The following DCPS variants were observed in gnomAD, a reference collection of about 807,000 sequenced individuals.
DCPS encodes the protein decapping enzyme, scavenger, also known as m7GpppX diphosphatase.
DCPS carries 27 observed loss-of-function variants against 34.7 expected under a neutral mutation model. That is an observed-to-expected ratio of 0.78 (90% CI 0.57 to 1.07). The LOEUF (loss-of-function observed/expected upper bound fraction) is 1.07, where lower values mean the gene tolerates loss of function less well. Ranked by LOEUF, DCPS falls within the 50% of genes least tolerant of loss-of-function variation. The probability of loss-of-function intolerance (pLI) is 0.00; values close to 1 mark genes in which losing one functional copy is unlikely to be tolerated. For synonymous variants in DCPS, 185 were observed against 185.7 expected, an observed-to-expected ratio of 1.00 and a Z score of 0.03; for missense variants, 464 against 436.9, an observed-to-expected ratio of 1.06 and a Z score of -0.55.
In DCPS at chr11:126,327,171, C is replaced by T. The variant is rs1951747785; in HGVS notation, c.377-4234C>T. On this transcript the variant is annotated intron_variant, in intron 2 of 5. Transcript: ENST00000263579. The surrounding 1 kb of genome is among the most constrained non-coding windows in gnomAD (Gnocchi z 4.1). ...TCCCAACCCCGGATCTAATCCAATC[C>T]CTTTAGTCCCGTCTCTTTAGTCTCC... 6.6e-6 allele frequency among the ~76,000 whole-genome samples: 1 copy of T among 152,188 alleles called. No individual in the cohort carries two copies. Among genetic ancestry groups the T allele is most frequent in the African/African-American group, 2.4e-5 (1 of 41,442 alleles).
In DCPS at chr11:126,334,026, G is replaced by A. The variant is rs1951812157; in HGVS notation, c.522+2476G>A. Among the ~76,000 whole-genome samples, 1 of 152,174 alleles carries A rather than the reference G, an allele frequency of 6.6e-6. No individual in the cohort carries two copies. The highest frequency in any genetic ancestry group is 1.5e-5 in the Non-Finnish European group (1 of 68,040). On this transcript the variant is annotated intron_variant, in intron 3 of 5. Transcript: ENST00000263579. The surrounding 1 kb of genome is among the most constrained non-coding windows in gnomAD (Gnocchi z 5.5). ...GTGGAGTGGGGGTGAGCATAGAACA[G>A]GAAGACTGGGAAAAACCAGTATGGG...
In DCPS at chr11:126,345,336, T is replaced by G; in HGVS notation, c.748-11T>G. 2 of 1,613,402 alleles carry G rather than the reference T, an allele frequency of 1.2e-6. No individual in the cohort carries two copies. The highest frequency in any genetic ancestry group is 1.1e-5 in the South Asian group (1 of 91,078). Reference sequence around the variant, plus strand: ...CGGTGACTCCTGACCTGCCTGCCCCTGTCTCATCAGGAGGCCATCCTGCAG... The same window carrying G: ...CGGTGACTCCTGACCTGCCTGCCCCGGTCTCATCAGGAGGCCATCCTGCAG... On this transcript the variant is annotated splice_polypyrimidine_tract_variant and intron_variant, in intron 5 of 5. Transcript: ENST00000263579. This position sits in a 1 kb window ranked among gnomAD's most constrained non-coding sequence, Gnocchi z 7.4.
In DCPS at chr11:126,333,531, C is replaced by T. The variant is rs2135328930; in HGVS notation, c.522+1981C>T. Among the ~76,000 whole-genome samples, 1 of 152,312 alleles carries T rather than the reference C, an allele frequency of 6.6e-6. No individual in the cohort carries two copies. Among genetic ancestry groups the T allele is most frequent in the African/African-American group, 2.4e-5 (1 of 41,566 alleles). ...TGGGACTTCACAGGGAGAGGATCCT[C>T]CCCTTGGGTCTTACAGGACAAATAG... On this transcript the variant is annotated intron_variant, in intron 3 of 5. Transcript: ENST00000263579. The surrounding 1 kb of genome is among the most constrained non-coding windows in gnomAD (Gnocchi z 5.7).
intron 2 of DCPS, among the ~76,000 whole-genome samples, chr11:126,308,956 G>A (rs1033120937): frequency 1.3e-5 from 2 of 151,714 alleles, no homozygotes; most frequent in African/African-American, 4.8e-5. Flanking sequence ...AGAACCCCAG[G>A]TGTCTCCAGG....
rs1229980101 is a variant in DCPS at position 126,347,223 on chromosome 11, CTT to C, written c.*1629_*1630del. Among the ~76,000 whole-genome samples the C allele has an allele frequency of 0.32, 38,903 of 122,002 alleles. 5,177 individuals are homozygous for C. The highest frequency in any genetic ancestry group is 0.42 in the South Asian group (1,498 of 3,534). The allele number at this position is 122,002 out of a possible 152,430, so 80.0% of individuals were successfully genotyped here. On this transcript the variant is annotated 3_prime_UTR_variant, in exon 6 of 6. Coordinates refer to ENST00000263579, the MANE Select transcript of DCPS (RefSeq NM_014026.6). The surrounding 1 kb of genome is among the most constrained non-coding windows in gnomAD (Gnocchi z 4.2). ...CACTCAGCCATTCTTCCCTGCAGCTCTTTTTTTTTTTTTTTTTTTTGAGACAA... is the reference window on the plus strand; with the variant it reads ...CACTCAGCCATTCTTCCCTGCAGCTCTTTTTTTTTTTTTTTTTTGAGACAA...
intron 2 of DCPS, among the ~76,000 whole-genome samples, chr11:126,321,252 C>CAAAAA (rs776121972): frequency 1.0e-5 from 1 of 97,572 alleles, no homozygotes; most frequent in African/African-American, 3.8e-5. Context: ...GACCTTGTCT[C>CAAAAA]AAAAAAAAAA....
chr11:126,308,346 C>G (rs900995344), intron 2 of DCPS, among the ~76,000 whole-genome samples: 3 of 152,182 alleles, frequency 2.0e-5, no homozygotes, highest in African/African-American at 7.2e-5. Context: ...AGCGGTCTGG[C>G]TTTGCAGATA....
chr11:126,304,067 G>A lies in DCPS; in HGVS notation c.-14G>A, dbSNP rs751282929. ...AGCGCAGGGGGCGCAGGCGCACACCGCCTCCGCGGCAGCATGGCGGACGCA... is the reference window on the plus strand; with the variant it reads ...AGCGCAGGGGGCGCAGGCGCACACCACCTCCGCGGCAGCATGGCGGACGCA... On this transcript the variant is annotated 5_prime_UTR_variant, in exon 1 of 6. Transcript: ENST00000263579. 6.3e-7 allele frequency: 1 copy of A among 1,578,926 alleles called. No individual in the cohort carries two copies. Among genetic ancestry groups the A allele is most frequent in the South Asian group, 1.1e-5 (1 of 88,108 alleles).
At chr11:126,317,875 C>T (rs978933215) in intron 2 of DCPS, among the ~76,000 whole-genome samples, 4 of 152,178 alleles carry the variant, frequency 2.6e-5, no homozygotes, top group Non-Finnish European at 4.4e-5. Flanking sequence ...CCTGTTCACA[C>T]GGAGCTTTGC....
chr11:126,340,589 C>A (rs2135335403), intron 4 of DCPS, among the ~76,000 whole-genome samples: 1 of 152,308 alleles, frequency 6.6e-6, no homozygotes, highest in Non-Finnish European at 1.5e-5. Flanking sequence ...GGCAATGTAT[C>A]CAGCAGGAAG....
chr11:126,333,168 T>C lies in DCPS; in HGVS notation c.522+1618T>C, dbSNP rs1951805077. 1.3e-5 allele frequency among the ~76,000 whole-genome samples: 2 copies of C among 152,220 alleles called. No individual in the cohort carries two copies. The highest frequency in any genetic ancestry group is 6.5e-5 in the Admixed American group (1 of 15,278). On this transcript the variant is annotated intron_variant, in intron 3 of 5. Coordinates refer to ENST00000263579, the MANE Select transcript of DCPS (RefSeq NM_014026.6). This position sits in a 1 kb window ranked among gnomAD's most constrained non-coding sequence, Gnocchi z 5.7. ...ATGTATATTCCTTATTATATACCATTATGCAGTTCCATTCGGAGAAGAGCA... is the reference window on the plus strand; with the variant it reads ...ATGTATATTCCTTATTATATACCATCATGCAGTTCCATTCGGAGAAGAGCA...
At chr11:126,339,205 G>A (rs781453836) in intron 4 of DCPS, among the ~76,000 whole-genome samples, 15 of 152,194 alleles carry the variant, frequency 9.9e-5, no homozygotes, top group African/African-American at 3.1e-4. Flanking sequence ...GGATAAGGCC[G>A]AGGTAGGCAG....
rs1270673210 is a variant in DCPS, at chr11:126,344,108, CT to C, written c.747+692del. On this transcript the variant is annotated intron_variant, in intron 5 of 5. Coordinates refer to ENST00000263579, the MANE Select transcript of DCPS (RefSeq NM_014026.6). This position sits in a 1 kb window ranked among gnomAD's most constrained non-coding sequence, Gnocchi z 8.1. Reference sequence around the variant, plus strand: ...GGGCTGGGTCTGAGTCTTTTTTCCACTCTGAAATGTGATGCTCTGCCTAACA... The same window carrying C: ...GGGCTGGGTCTGAGTCTTTTTTCCACCTGAAATGTGATGCTCTGCCTAACA... 2.0e-5 allele frequency among the ~76,000 whole-genome samples: 3 copies of C among 150,452 alleles called. No homozygotes were observed. Among genetic ancestry groups the C allele is most frequent in the Non-Finnish European group, 3.0e-5 (2 of 67,762 alleles).
chr11:126,339,446 G>A (rs940358881), intron 4 of DCPS, among the ~76,000 whole-genome samples: 1 of 152,218 alleles, frequency 6.6e-6, no homozygotes, highest in Non-Finnish European at 1.5e-5. Context: ...GACACCTTCA[G>A]TTTTGACGTG....
chr11:126,305,272 C>G (rs1951554483), intron 1 of DCPS, among the ~76,000 whole-genome samples: 1 of 152,100 alleles, frequency 6.6e-6, no homozygotes, highest in Non-Finnish European at 1.5e-5. Flanking sequence ...CGCCACCATG[C>G]CCAGCTAATT....
At position 126,328,810 on chromosome 11, in the gene DCPS, G is replaced by T. The variant is rs1022276936; in HGVS notation, c.377-2595G>T. ...GAGAGAATCCAAGCTAGCCTGGGGGGAGCGCTTTTCTCCATGTGAGGCACT... is the reference window on the plus strand; with the variant it reads ...GAGAGAATCCAAGCTAGCCTGGGGGTAGCGCTTTTCTCCATGTGAGGCACT... On this transcript the variant is annotated intron_variant, in intron 2 of 5. Transcript: ENST00000263579. The surrounding 1 kb of genome is among the most constrained non-coding windows in gnomAD (Gnocchi z 6.6). Among the ~76,000 whole-genome samples the T allele has an allele frequency of 2.0e-5, 3 of 152,176 alleles. No individual in the cohort carries two copies. In the East Asian group the frequency reaches 5.8e-4, roughly 29 times the overall value.
In DCPS at chr11:126,325,082, G is replaced by A. The variant is rs1303196955; in HGVS notation, c.377-6323G>A. Among the ~76,000 whole-genome samples, 5 of 152,096 alleles carry A rather than the reference G, an allele frequency of 3.3e-5. No homozygotes were observed. Among genetic ancestry groups the A allele is most frequent in the African/African-American group, 1.2e-4 (5 of 41,426 alleles). On this transcript the variant is annotated intron_variant, in intron 2 of 5. Coordinates refer to ENST00000263579, the MANE Select transcript of DCPS (RefSeq NM_014026.6). The surrounding 1 kb of genome is among the most constrained non-coding windows in gnomAD (Gnocchi z 4.3). The stretch of plus-strand genomic sequence containing the variant: ...CCTGTAATCCCAGCTACTCACTCGG[G>A]TTGCTGAGGCACGAGAATCGCTTGA...
Position 126,343,299 on chromosome 11 carries a change from C to A in DCPS, c.637-8C>A. ...GCTGAGCCTGGTCTCCCCTTGCTCTCTACGCAGCTCGATGACTTGTACTTG... is the reference window on the plus strand; with the variant it reads ...GCTGAGCCTGGTCTCCCCTTGCTCTATACGCAGCTCGATGACTTGTACTTG... On this transcript the variant is annotated splice_polypyrimidine_tract_variant and splice_region_variant and intron_variant, in intron 4 of 5. Transcript: ENST00000263579. 1 of 1,611,046 alleles carries A rather than the reference C, an allele frequency of 6.2e-7. No homozygotes were observed. Among genetic ancestry groups the A allele is most frequent in the Non-Finnish European group, 8.5e-7 (1 of 1,178,498 alleles).
Position 126,319,916 on chromosome 11 carries a change from G to A in DCPS, c.377-11489G>A, listed in dbSNP as rs1385891721. 1.3e-5 allele frequency among the ~76,000 whole-genome samples: 2 copies of A among 151,920 alleles called. No individual in the cohort carries two copies. Among genetic ancestry groups the A allele is most frequent in the African/African-American group, 4.8e-5 (2 of 41,354 alleles). ...TTTTAAGGGGTAGCTTCCTTTTAAC[G>A]TATTTGTTACACAAGTGATATGTAA... is the stretch of plus-strand genomic sequence containing the variant. On this transcript the variant is annotated intron_variant, in intron 2 of 5. Coordinates refer to ENST00000263579, the MANE Select transcript of DCPS (RefSeq NM_014026.6). The surrounding 1 kb of genome is among the most constrained non-coding windows in gnomAD (Gnocchi z 4.5).
Sources: gnomAD v4.1 joint callset for allele counts (sites outside exome capture counted in the v4.1 genomes callset) on GRCh38, gnomAD v4.1.1 for gene constraint, Gnocchi (gnomAD v3.1) non-coding constraint, MANE v1.5 for transcripts, NCBI Gene and HGNC (gene_info 2026-07-23, HGNC 2026-07-21) for gene names.